SLC66A1: variants seen among roughly 807,000 people sequenced by gnomAD.
The protein encoded by SLC66A1 is lysosomal amino acid transporter 1 homolog.
A neutral mutation model predicts 33.0 loss-of-function variants in SLC66A1; 23 were observed. That is an observed-to-expected ratio of 0.70 (90% confidence interval 0.50 to 0.99). The LOEUF (loss-of-function observed/expected upper bound fraction) is 0.99. SLC66A1 is among the 50% of genes least tolerant of loss of function. SLC66A1 has a pLI of 0.00. For missense variants in SLC66A1, 335 were observed against 383.6 expected (o/e 0.87, Z 1.06); for synonymous variants, 164 against 175.5 (o/e 0.93, Z 0.52).
chr1:19,319,412 C>T (rs917700112), intron 2 of SLC66A1, among the ~76,000 whole-genome samples: 1 of 152,142 alleles, frequency 6.6e-6, no homozygotes, highest in African/African-American at 2.4e-5. Context: ...TGATTGGCTT[C>T]TTTCACTTAA....
At chr1:19,327,145 G>A in intron 6 of SLC66A1, 82 bp from the exon 7 acceptor site, 3 of 1,347,842 alleles carry the variant, frequency 2.2e-6, no homozygotes, top group Non-Finnish European at 2.1e-6. Context: ...CTGTGGTGGG[G>A]CAGGTGGACA....
chr1:19,327,263 C>G lies in SLC66A1; in HGVS notation c.655C>G (p.Leu219Val). 6.2e-7 allele frequency: 1 copy of G among 1,613,976 alleles called. No individual in the cohort carries two copies. Among genetic ancestry groups the G allele is most frequent in the South Asian group, 1.1e-5 (1 of 91,088 alleles). ...GTCCACCCAGGGGATCTCCTACTCT[C>G]TGTTCGCGCTGGTGATGCTGGGGAA... ...RKSTQGISYS[L>V]FALVMLGNTL... Residue 219 changes from leucine (L) to valine (V), a missense_variant, in exon 7 of 8, where the codon CTG becomes GTG. Physicochemically the swap from Leu to Val is conservative, Grantham distance 32 (BLOSUM62 1). Coordinates refer to ENST00000375153, the MANE Select transcript of SLC66A1 (RefSeq NM_001040125.2).
intron 2 of SLC66A1, among the ~76,000 whole-genome samples, chr1:19,322,893 T>G (rs1034355363): frequency 4.8e-4 from 73 of 152,020 alleles, no homozygotes; most frequent in Non-Finnish European, 7.4e-4. Flanking sequence ...CAATTTTTTT[T>G]TTTTTTGAGA....
downstream of SLC66A1, among the ~76,000 whole-genome samples, chr1:19,333,101 G>A (rs997625974): frequency 3.3e-5 from 5 of 152,308 alleles, no homozygotes; most frequent in East Asian, 1.9e-4. The surrounding 1 kb of genome is among the most constrained non-coding windows in gnomAD (Gnocchi z 4.2). Flanking sequence ...AGCTGGTGGC[G>A]TTCTCCAGCA....
chr1:19,312,981 C>A (rs1165169829), intron 1 of SLC66A1, 92 bp downstream of exon 1: 1 of 153,346 alleles, frequency 6.5e-6, no homozygotes, highest in Admixed American at 6.5e-5. Context: ...TCAACGCTTA[C>A]TGAAGGCGCC....
downstream of SLC66A1, among the ~76,000 whole-genome samples, chr1:19,333,935 A>AAACAAAACAAAACACAACAC (rs112328081): frequency 1.7e-4 from 19 of 111,228 alleles, no homozygotes; most frequent in African/African-American, 6.3e-4. The surrounding 1 kb of genome is among the most constrained non-coding windows in gnomAD (Gnocchi z 4.2). Context: ...AAACAAAACA[A>AAACAAAACAAAACACAACAC]AACACAGGAA....
intron 2 of SLC66A1, 33 bp from the exon 3 acceptor site, chr1:19,324,600 G>A (rs763470774): frequency 1.9e-6 from 3 of 1,613,472 alleles, no homozygotes; most frequent in Non-Finnish European, 1.7e-6. Flanking sequence ...AAGGTGGCCT[G>A]AGCATGCATC....
At chr1:19,333,925 AAAC>A (rs1192906883), downstream of SLC66A1, among the ~76,000 whole-genome samples, 1 of 89,082 alleles carries the variant, frequency 1.1e-5, no homozygotes, top group Non-Finnish European at 2.5e-5. The surrounding 1 kb of genome is among the most constrained non-coding windows in gnomAD (Gnocchi z 4.2). Context: ...AAACAAAACA[AAAC>A]AAAACAAAAC....
chr1:19,326,454 G>A, intron 5 of SLC66A1, 67 bp downstream of exon 5: 2 of 1,611,832 alleles, frequency 1.2e-6, no homozygotes, highest in Non-Finnish European at 1.7e-6. Context: ...CCCCTGCACA[G>A]CCTCATGGGT....
chr1:19,313,369 C>T (rs749031872), intron 1 of SLC66A1, among the ~76,000 whole-genome samples: 1 of 152,170 alleles, frequency 6.6e-6, no homozygotes, highest in South Asian at 2.1e-4. Flanking sequence ...TTCTCTCTAC[C>T]TCTCTCTTTC....
chr1:19,332,156 G>A (rs2093894292), downstream of SLC66A1, among the ~76,000 whole-genome samples: 1 of 152,214 alleles, frequency 6.6e-6, no homozygotes, highest in African/African-American at 2.4e-5. Context: ...GGTCCCTGGA[G>A]CCCTGTTGAA....
intron 2 of SLC66A1, among the ~76,000 whole-genome samples, chr1:19,322,774 G>A (rs545374634): frequency 5.9e-5 from 9 of 152,204 alleles, no homozygotes; most frequent in Non-Finnish European, 1.3e-4. Context: ...CGAGCCTGGG[G>A]CCTTGCAAGG....
At chr1:19,326,194 A>G (rs1227878478) in intron 4 of SLC66A1, 51 bp from the exon 5 acceptor site, 17 of 1,555,762 alleles carry the variant, frequency 1.1e-5, no homozygotes, top group Non-Finnish European at 1.4e-5. Flanking sequence ...TCCCCCGACA[A>G]CCGCTGCCAC....
Position 19,320,576 on chromosome 1 carries a change from G to A in SLC66A1, c.164+2735G>A, listed in dbSNP as rs567894284. ...CTACAGGCACCTGCCACCACGCCTG[G>A]CTAATTTTTTGTATTTTTTTAGTAG... On this transcript the variant is annotated intron_variant, in intron 2 of 7. Transcript: ENST00000375153. Among the ~76,000 whole-genome samples the A allele has an allele frequency of 7.2e-5, 11 of 151,762 alleles. No homozygotes were observed. The South Asian group carries it at 2.3e-3, about 32-fold the overall frequency.
At chr1:19,318,041 A>G (rs2093815198) in intron 2 of SLC66A1, among the ~76,000 whole-genome samples, 200 bp downstream of exon 2, 1 of 152,176 alleles carries the variant, frequency 6.6e-6, no homozygotes, top group African/African-American at 2.4e-5. Context: ...TACAGAGATC[A>G]TCACCTTTGC....
chr1:19,327,341 G>A lies in SLC66A1; in HGVS notation c.733G>A (p.Glu245Lys), dbSNP rs774154628. 25 of 1,612,068 alleles carry A rather than the reference G, an allele frequency of 1.6e-5. No individual in the cohort carries two copies. In the East Asian group the frequency reaches 2.0e-4, roughly 13 times the overall value. ...LLKNPEEGQS[E>K]GSYLLHHLPW... ...CAAAAACCCCGAGGAGGGCCAGAGC[G>A]AGGGCAGCTACCTGCTGCACCACCT... The change falls in exon 7 of 8, where the codon GAG becomes AAG. Residue 245 changes from glutamate to lysine, a missense_variant. Transcript: ENST00000375153.
chr1:19,321,169 CTTT>C lies in SLC66A1; in HGVS notation c.164+3348_164+3350del, dbSNP rs71577887. On this transcript the variant is annotated intron_variant, in intron 2 of 7. Coordinates refer to ENST00000375153, the MANE Select transcript of SLC66A1 (RefSeq NM_001040125.2). Reference sequence around the variant, plus strand: ...TAACAAAGATTTATCCTTATCTCTTCTTTTTTTTTTTTTTTTTTTTTTGAGACA... The same window carrying C: ...TAACAAAGATTTATCCTTATCTCTTCTTTTTTTTTTTTTTTTTTTGAGACA... Among the ~76,000 whole-genome samples, 444 of 82,066 alleles carry C rather than the reference CTTT, an allele frequency of 5.4e-3. 8 individuals carry two copies. Among genetic ancestry groups the C allele is most frequent in the African/African-American group, 0.023 (432 of 18,788 alleles). The allele number at this position is 82,066 out of a possible 152,430, so 53.8% of individuals were successfully genotyped here. A position where few individuals can be genotyped will look rare whatever the true frequency, so the allele number is the denominator to read the frequency against.
Position 19,317,591 on chromosome 1 carries a change from T to G in SLC66A1, c.-78-9T>G, listed in dbSNP as rs2093812414. On this transcript the variant is annotated splice_polypyrimidine_tract_variant and intron_variant, in intron 1 of 7. Coordinates refer to ENST00000375153, the MANE Select transcript of SLC66A1 (RefSeq NM_001040125.2). ...CAGTGCTGAAAGCCTCCTCCCTTCC[T>G]CCCTGTAGAACCCTTGCTGGCCTCA... 3 of 1,543,312 alleles carry G rather than the reference T, an allele frequency of 1.9e-6. No homozygotes were observed. The highest frequency in any genetic ancestry group is 1.4e-5 in the African/African-American group (1 of 72,886).
Position 19,324,764 on chromosome 1 carries a change from T to C in SLC66A1, c.294+2T>C. 6.2e-7 allele frequency: 1 copy of C among 1,613,936 alleles called. No homozygotes were observed. Among genetic ancestry groups the C allele is most frequent in the Non-Finnish European group, 8.5e-7 (1 of 1,179,916 alleles). ...CTTGCTGACCAGCTGCCCCTGCAGG[T>C]GGGCCGGTACCCGGGCAAGGTGGCG... On this transcript the variant is annotated splice_donor_variant, in intron 3 of 7. Transcript: ENST00000375153. LOFTEE classifies it high-confidence loss of function.
Sources: gnomAD v4.1 joint callset for allele counts (sites outside exome capture counted in the v4.1 genomes callset) on GRCh38, gnomAD v4.1.1 for gene constraint, Gnocchi (gnomAD v3.1) non-coding constraint, MANE v1.5 for transcripts, NCBI Gene and HGNC (gene_info 2026-07-23, HGNC 2026-07-21) for gene names.